The following ANO3 variants were observed in gnomAD, a reference collection of about 807,000 sequenced individuals.
The protein encoded by ANO3 is anoctamin-3.
ANO3 carries 99 observed loss-of-function variants against 144.8 expected under a neutral mutation model. The ratio of observed to expected loss-of-function variants is 0.68; its 90% confidence interval spans 0.58 to 0.81. The LOEUF is 0.81. ANO3 is among the 30% of genes least tolerant of loss of function. The pLI, the probability that ANO3 is intolerant of heterozygous loss-of-function variation, is 0.00. For missense variants in ANO3, 905 were observed against 1,202.2 expected (o/e 0.75, Z 3.66); for synonymous variants, 414 against 392.6 (o/e 1.05, Z -0.64).
Position 26,411,728 on chromosome 11 carries a change from ATT to A in ANO3, c.47-30180_47-30179del, listed in dbSNP as rs35301801. Among the ~76,000 whole-genome samples, 1,184 of 149,602 alleles carry A rather than the reference ATT, an allele frequency of 7.9e-3. 11 individuals are homozygous for A. The highest frequency in any genetic ancestry group is 0.017 in the Middle Eastern group (5 of 290). On this transcript the variant is annotated intron_variant, in intron 1 of 26. Coordinates refer to ENST00000256737, the MANE Select transcript of ANO3 (RefSeq NM_031418.4). The stretch of plus-strand genomic sequence containing the variant: ...AGATGAGTGTATGCAGAATCCATCC[ATT>A]TTTTTTTTTGCCTTTCTCGTGTTCT...
chr11:26,256,222 T>C (rs995739034), intron 1 of ANO3, among the ~76,000 whole-genome samples: 1 of 152,150 alleles, frequency 6.6e-6, no homozygotes, highest in Admixed American at 6.6e-5. Context: ...ACTTCAAGAT[T>C]ATACCATATG....
chr11:26,469,110 AG>A (rs1351051436), intron 4 of ANO3, among the ~76,000 whole-genome samples: 2 of 151,892 alleles, frequency 1.3e-5, no homozygotes, highest in African/African-American at 4.8e-5. Context: ...AATACTGAAA[AG>A]GCATTATCCT....
chr11:26,244,755 A>G (rs916685514), intron 1 of ANO3, among the ~76,000 whole-genome samples: 5 of 152,128 alleles, frequency 3.3e-5, no homozygotes, highest in African/African-American at 1.2e-4. Flanking sequence ...TGCATCCTAC[A>G]TCTTCTGTGG....
intron 1 of ANO3, among the ~76,000 whole-genome samples, chr11:26,278,417 T>C (rs528083068): frequency 6.6e-6 from 1 of 152,264 alleles, no homozygotes; most frequent in East Asian, 1.9e-4. Context: ...GAATACAAAG[T>C]AATGACTCAT....
At chr11:26,360,584 C>G (rs1280663400) in intron 1 of ANO3, among the ~76,000 whole-genome samples, 1 of 152,112 alleles carries the variant, frequency 6.6e-6, no homozygotes, top group African/African-American at 2.4e-5. Flanking sequence ...GGATCAACCT[C>G]TCTGTAGACA....
intron 14 of ANO3, among the ~76,000 whole-genome samples, chr11:26,570,470 A>T (rs1334982259): frequency 6.6e-6 from 1 of 152,142 alleles, no homozygotes; most frequent in African/African-American, 2.4e-5. Flanking sequence ...GGAAATAAGG[A>T]GATGTCCTGG....
At chr11:26,277,978 A>G (rs1057392016) in intron 1 of ANO3, among the ~76,000 whole-genome samples, 3 of 152,058 alleles carry the variant, frequency 2.0e-5, no homozygotes, top group Non-Finnish European at 2.9e-5. Context: ...AATTCAATAT[A>G]TGGTTTTCCT....
intron 14 of ANO3, among the ~76,000 whole-genome samples, chr11:26,596,742 G>A (rs1851640836): frequency 6.6e-6 from 1 of 152,194 alleles, no homozygotes. Context: ...AGAAAGTCAT[G>A]GTTAGGACCC....
chr11:26,316,857 G>A (rs1854638072), intron 1 of ANO3, among the ~76,000 whole-genome samples: 1 of 152,150 alleles, frequency 6.6e-6, no homozygotes, highest in Non-Finnish European at 1.5e-5. Flanking sequence ...AGCACATCAC[G>A]CAGTGTTGGC....
intron 24 of ANO3, among the ~76,000 whole-genome samples, chr11:26,653,144 C>G (rs1470657479): frequency 6.6e-6 from 1 of 152,130 alleles, no homozygotes. Context: ...ACGCTCATAC[C>G]TGAATTCTAG....
At chr11:26,601,810 G>T (rs1048882446) in intron 17 of ANO3, among the ~76,000 whole-genome samples, 2 of 152,098 alleles carry the variant, frequency 1.3e-5, no homozygotes, top group Non-Finnish European at 2.9e-5. Context: ...TAGTTGTGTC[G>T]ATTTCTAGGT....
At chr11:26,303,525 T>C (rs1854285751) in intron 1 of ANO3, among the ~76,000 whole-genome samples, 2 of 151,944 alleles carry the variant, frequency 1.3e-5, no homozygotes, top group Non-Finnish European at 2.9e-5. Flanking sequence ...ATGGAAACAA[T>C]AGACACTGGG....
intron 1 of ANO3, among the ~76,000 whole-genome samples, chr11:26,234,496 C>T (rs12273316): frequency 1.3e-5 from 2 of 152,110 alleles, no homozygotes; most frequent in Admixed American, 1.3e-4. Flanking sequence ...ATCTTAGAGA[C>T]CAAATTAAGA....
At chr11:26,271,168 A>C (rs978927490) in intron 1 of ANO3, among the ~76,000 whole-genome samples, 5 of 152,240 alleles carry the variant, frequency 3.3e-5, no homozygotes, top group African/African-American at 1.2e-4. Context: ...AGAGAATGAG[A>C]ATGTAGAAAG....
chr11:26,523,561 G>A (rs141978312), intron 6 of ANO3, among the ~76,000 whole-genome samples: 142 of 152,236 alleles, frequency 9.3e-4, no homozygotes, highest in Middle Eastern at 3.4e-3. Context: ...TTCAAAGAGA[G>A]GAGAAAGTAC....
chr11:26,643,454 C>CTA, intron 23 of ANO3, 120 bp downstream of exon 23: 1 of 1,269,932 alleles, frequency 7.9e-7, no homozygotes, highest in Non-Finnish European at 1.1e-6. Context: ...ATTAAGAGGC[C>CTA]TTTAAGAAGT....
chr11:26,536,305 T>G, intron 9 of ANO3, among the ~76,000 whole-genome samples: 1 of 145,438 alleles, frequency 6.9e-6, no homozygotes. Context: ...GGTGGCAGAG[T>G]TAGACTCTGT....
intron 1 of ANO3, among the ~76,000 whole-genome samples, chr11:26,418,279 C>T (rs560378681): frequency 1.3e-5 from 2 of 152,098 alleles, no homozygotes; most frequent in Admixed American, 1.3e-4. Flanking sequence ...ACATTCTACA[C>T]ATCAACAAAA....
At position 26,569,135 on chromosome 11, in the gene ANO3, G is replaced by T. The variant is rs2134281434; in HGVS notation, c.1447+9356G>T. 1.3e-5 allele frequency among the ~76,000 whole-genome samples: 2 copies of T among 152,110 alleles called. 1 individual carries two copies. Among genetic ancestry groups the T allele is most frequent in the East Asian group, 3.9e-4 (2 of 5,144 alleles). ...ATCAAGAGTCAATAAAGTGAATTCT[G>T]TTGTTCCTGTTTCACCTTGCCTGTG... is the stretch of plus-strand genomic sequence containing the variant. On this transcript the variant is annotated intron_variant, in intron 14 of 26. Transcript: ENST00000256737.
Sources: gnomAD v4.1 joint callset for allele counts (sites outside exome capture counted in the v4.1 genomes callset) on GRCh38, gnomAD v4.1.1 for gene constraint, MANE v1.5 for transcripts, NCBI Gene and HGNC (gene_info 2026-07-23, HGNC 2026-07-21) for gene names.